Variants in KMO observed in about 807,000 individuals in gnomAD.
KMO encodes kynurenine 3-monooxygenase.
A neutral mutation model predicts 57.8 loss-of-function variants in KMO; 24 were observed. The observed-to-expected ratio is 0.42, with a 90% CI of 0.30 to 0.58. The LOEUF is 0.58. Ranked by LOEUF, KMO falls within the 20% of genes least tolerant of loss-of-function variation. KMO has a pLI of 0.22. For missense variants in KMO, 483 were observed against 588.2 expected (o/e 0.82, Z 1.85); for synonymous variants, 210 against 193.6 (o/e 1.08, Z -0.70).
intron 6 of KMO, 39 bp downstream of exon 6, chr1:241,560,791 C>G (rs1286312751): frequency 7.5e-7 from 1 of 1,341,044 alleles, no homozygotes; most frequent in African/African-American, 1.4e-5. Context: ...GAGGTGAAAG[C>G]TGGGAGTGGA....
chr1:241,541,645 T>C (rs1660962020), intron 1 of KMO, among the ~76,000 whole-genome samples: 1 of 152,122 alleles, frequency 6.6e-6, no homozygotes, highest in African/African-American at 2.4e-5. Context: ...ATGACACAGA[T>C]TAGAGAACTC....
chr1:241,532,561 T>C, intron 1 of KMO, 63 bp downstream of exon 1: 4 of 1,214,696 alleles, frequency 3.3e-6, no homozygotes, highest in Non-Finnish European at 3.5e-6. Flanking sequence ...TTACTCGTAA[T>C]GATTATTATT....
chr1:241,562,785 G>A (rs555376124), intron 7 of KMO, among the ~76,000 whole-genome samples: 239 of 152,102 alleles, frequency 1.6e-3, no homozygotes, highest in African/African-American at 5.3e-3. Flanking sequence ...GCTGCAGTGA[G>A]CCGAGATCAT....
chr1:241,552,138 A>C (rs1011685810), intron 4 of KMO, among the ~76,000 whole-genome samples: 1 of 150,428 alleles, frequency 6.6e-6, no homozygotes, highest in African/African-American at 2.5e-5. Context: ...CCATCACCCC[A>C]CCACCTTGTC....
In KMO at chr1:241,562,151, T is replaced by C. The variant is rs772738218; in HGVS notation, c.450-16T>C. ...TAGACATATTTTTCTTTTGGATGTTTTGTTCTATTTTTCAGATCTGACAAA... is the reference window on the plus strand; with the variant it reads ...TAGACATATTTTTCTTTTGGATGTTCTGTTCTATTTTTCAGATCTGACAAA... On this transcript the variant is annotated splice_polypyrimidine_tract_variant and intron_variant, in intron 6 of 14. Transcript: ENST00000366559. 1 of 1,611,978 alleles carries C rather than the reference T, an allele frequency of 6.2e-7. No individual in the cohort carries two copies. The highest frequency in any genetic ancestry group is 8.5e-7 in the Non-Finnish European group (1 of 1,178,610).
intron 1 of KMO, among the ~76,000 whole-genome samples, chr1:241,537,392 T>G (rs116293288): frequency 1.3e-5 from 2 of 152,188 alleles, no homozygotes; most frequent in African/African-American, 2.4e-5. Flanking sequence ...TTGATTCAAG[T>G]GCATACTTTA....
intron 2 of KMO, 137 bp downstream of exon 2, chr1:241,549,035 CA>C: frequency 1.8e-6 from 1 of 565,690 alleles, no homozygotes; most frequent in Non-Finnish European, 3.2e-6. Context: ...CCCATCTCTA[CA>C]AAAAATACAA....
chr1:241,550,934 A>G (rs1018910069), intron 3 of KMO, 21 bp from the exon 4 acceptor site: 4 of 1,214,234 alleles, frequency 3.3e-6, no homozygotes, highest in South Asian at 1.5e-5. Flanking sequence ...ATTGAAGTCA[A>G]TATTTCTGGT....
intron 10 of KMO, 93 bp downstream of exon 10, chr1:241,568,740 C>T: frequency 8.7e-7 from 1 of 1,147,448 alleles, no homozygotes; most frequent in Non-Finnish European, 1.2e-6. Context: ...AAGACTATCC[C>T]CACATAATCC....
intron 1 of KMO, among the ~76,000 whole-genome samples, chr1:241,540,540 T>C (rs1352731457): frequency 1.3e-5 from 2 of 152,098 alleles, no homozygotes; most frequent in Non-Finnish European, 2.9e-5. Context: ...TAAAAGTGCA[T>C]GGCATATTCA....
intron 10 of KMO, among the ~76,000 whole-genome samples, chr1:241,579,322 A>G (rs1184865345): frequency 6.6e-6 from 1 of 152,030 alleles, no homozygotes; most frequent in African/African-American, 2.4e-5. Context: ...GCAGGGTTAT[A>G]AAGCTCCCAA....
intron 1 of KMO, among the ~76,000 whole-genome samples, chr1:241,544,469 C>T (rs561845121): frequency 9.9e-4 from 150 of 152,258 alleles, no homozygotes; most frequent in Admixed American, 6.5e-4. Context: ...GTAACTTCTA[C>T]TGCATTTTTT....
At chr1:241,553,846 A>G (rs74507922) in intron 4 of KMO, among the ~76,000 whole-genome samples, 4,240 of 152,320 alleles carry the variant, frequency 0.028, 193 homozygotes, top group African/African-American at 0.097. Flanking sequence ...TAAATTATAC[A>G]AAGACCAGAA....
chr1:241,576,308 T>C (rs962769171), intron 10 of KMO, among the ~76,000 whole-genome samples: 3 of 152,094 alleles, frequency 2.0e-5, no homozygotes, highest in African/African-American at 7.2e-5. Flanking sequence ...TCATGTTAAT[T>C]GTTACCTAGA....
At chr1:241,559,580 G>A (rs1276462092) in intron 5 of KMO, among the ~76,000 whole-genome samples, 2 of 151,584 alleles carry the variant, frequency 1.3e-5, no homozygotes, top group Non-Finnish European at 2.9e-5. Flanking sequence ...TTTGGTTTAG[G>A]GTCTCTCAGA....
chr1:241,563,506 A>C (rs1025575752), intron 7 of KMO, among the ~76,000 whole-genome samples: 2 of 148,822 alleles, frequency 1.3e-5, no homozygotes, highest in African/African-American at 4.9e-5. Flanking sequence ...TTTCATCCTC[A>C]TGGTCAAAAT....
At chr1:241,543,880 G>T (rs1390403872) in intron 1 of KMO, among the ~76,000 whole-genome samples, 1 of 152,138 alleles carries the variant, frequency 6.6e-6, no homozygotes, top group African/African-American at 2.4e-5. Flanking sequence ...ATTGGCATCT[G>T]CCAACCTTAG....
intron 10 of KMO, among the ~76,000 whole-genome samples, chr1:241,571,578 G>A (rs1362049470): frequency 6.6e-6 from 1 of 152,072 alleles, no homozygotes; most frequent in Non-Finnish European, 1.5e-5. Context: ...TTGATATGAG[G>A]TATCACTTTT....
chr1:241,538,369 T>C (rs1660824030), intron 1 of KMO, among the ~76,000 whole-genome samples: 2 of 152,200 alleles, frequency 1.3e-5, no homozygotes, highest in African/African-American at 4.8e-5. Flanking sequence ...AGAGGGTTGG[T>C]GGTCTCTTTC....
Sources: allele counts gnomAD v4.1 joint callset (sites outside exome capture counted in the v4.1 genomes callset), GRCh38; gene constraint gnomAD v4.1.1; transcripts MANE v1.5; gene names NCBI Gene and HGNC (gene_info 2026-07-23, HGNC 2026-07-21).